The following PRKCB variants were observed in gnomAD, a reference collection of about 807,000 sequenced individuals.
PRKCB encodes protein kinase C beta type.
PRKCB carries 13 observed loss-of-function variants against 81.5 expected under a neutral mutation model. The ratio of observed to expected loss-of-function variants is 0.16; its 90% CI spans 0.10 to 0.25. PRKCB has a LOEUF of 0.25. PRKCB is among the 10% of genes least tolerant of loss of function. The pLI is 1.00. For synonymous variants in PRKCB, 335 were observed against 321.4 expected (o/e 1.04, Z -0.45); for missense variants, 509 against 875.7 (o/e 0.58, Z 5.29).
At chr16:23,935,075 G>A (rs1964039409) in intron 2 of PRKCB, among the ~76,000 whole-genome samples, 3 of 152,090 alleles carry the variant, frequency 2.0e-5, no homozygotes, top group South Asian at 4.1e-4. Context: ...AGAGCCACCC[G>A]GATGATGGGC....
Position 24,219,879 on chromosome 16 carries a change from T to C in PRKCB, c.*5063T>C, listed in dbSNP as rs1213060304. Reference sequence around the variant, plus strand: ...TTCTGACTCTGCTCATGAGATGGTATCAGCCACCCAATGACTGGCGTATCT... The same window carrying C: ...TTCTGACTCTGCTCATGAGATGGTACCAGCCACCCAATGACTGGCGTATCT... On this transcript the variant is annotated 3_prime_UTR_variant, in exon 17 of 17. Coordinates refer to ENST00000643927, the MANE Select transcript of PRKCB (RefSeq NM_002738.7). 2.0e-6 allele frequency: 3 copies of C among 1,526,324 alleles called. No individual in the cohort carries two copies. Among genetic ancestry groups the C allele is most frequent in the East Asian group, 4.8e-5 (2 of 41,638 alleles). The allele number at this position is 1,526,324 out of a possible 1,614,324, so 94.5% of individuals were successfully genotyped here. A position where few individuals can be genotyped will look rare whatever the true frequency, so the allele number is the denominator to read the frequency against.
chr16:23,951,304 G>A (rs1233468629), intron 2 of PRKCB, among the ~76,000 whole-genome samples: 1 of 152,120 alleles, frequency 6.6e-6, no homozygotes, highest in Non-Finnish European at 1.5e-5. Context: ...CCAATCTAAT[G>A]GATAAAATAT....
At chr16:23,882,026 CT>C (rs1567301154) in intron 2 of PRKCB, among the ~76,000 whole-genome samples, 25 of 44,146 alleles carry the variant, frequency 5.7e-4, no homozygotes, top group Non-Finnish European at 7.1e-4. Context: ...TTCTTTCTTC[CT>C]TCCTTCCTTC....
At chr16:24,197,302 G>A (rs1287025911) in intron 16 of PRKCB, among the ~76,000 whole-genome samples, 2 of 152,204 alleles carry the variant, frequency 1.3e-5, no homozygotes, top group African/African-American at 4.8e-5. Context: ...TTATGATAGA[G>A]TAGGTGGAGA....
chr16:23,837,703 G>A (rs1467506894), intron 2 of PRKCB, among the ~76,000 whole-genome samples: 1 of 152,070 alleles, frequency 6.6e-6, no homozygotes, highest in Non-Finnish European at 1.5e-5. Flanking sequence ...TTCCGCTGGG[G>A]GAGAAAGTGT....
intron 2 of PRKCB, among the ~76,000 whole-genome samples, chr16:23,903,021 C>CA (rs1393217549): frequency 7.3e-6 from 1 of 137,546 alleles, no homozygotes; most frequent in African/African-American, 2.9e-5. Flanking sequence ...TCTGTAGAGA[C>CA]AAAGTCTTGC....
intron 3 of PRKCB, among the ~76,000 whole-genome samples, chr16:23,992,390 G>A (rs75336236): frequency 0.027 from 4,141 of 152,260 alleles, 170 homozygotes; most frequent in African/African-American, 0.093. Context: ...ATTTCTAGTA[G>A]TAAAGAGAGC....
intron 1 of PRKCB, among the ~76,000 whole-genome samples, chr16:23,836,776 G>A (rs953427690): frequency 3.3e-5 from 5 of 150,950 alleles, no homozygotes; most frequent in African/African-American, 1.2e-4. Context: ...TCCGGGGGGG[G>A]CGGCGCCCTG....
intron 5 of PRKCB, among the ~76,000 whole-genome samples, chr16:24,051,882 C>T (rs543246820): frequency 1.0e-3 from 153 of 151,828 alleles, no homozygotes; most frequent in African/African-American, 3.5e-3. Context: ...AGGCAGGTGG[C>T]GAGTGAATCA....
At chr16:24,062,856 C>T (rs1965990133) in intron 5 of PRKCB, among the ~76,000 whole-genome samples, 1 of 152,028 alleles carries the variant, frequency 6.6e-6, no homozygotes, top group Admixed American at 6.6e-5. Flanking sequence ...TCACCTCCCC[C>T]ATCCACTCTG....
chr16:23,859,504 C>T (rs1248146379), intron 2 of PRKCB, among the ~76,000 whole-genome samples: 3 of 152,302 alleles, frequency 2.0e-5, no homozygotes, highest in East Asian at 1.9e-4. Context: ...TCATAAATCA[C>T]ACATTGATAA....
At chr16:24,022,084 G>T (rs184007589) in intron 3 of PRKCB, among the ~76,000 whole-genome samples, 77 of 152,282 alleles carry the variant, frequency 5.1e-4, no homozygotes, top group African/African-American at 1.9e-3. Flanking sequence ...CTGATTTCCA[G>T]GGGTGGGCGA....
At chr16:23,865,576 T>C (rs1407838200) in intron 2 of PRKCB, among the ~76,000 whole-genome samples, 1 of 133,946 alleles carries the variant, frequency 7.5e-6, no homozygotes, top group East Asian at 2.1e-4. Flanking sequence ...TGTGTATATG[T>C]ATATTTAAAT....
intron 5 of PRKCB, among the ~76,000 whole-genome samples, chr16:24,054,311 T>C (rs1965879128): frequency 6.6e-6 from 1 of 152,218 alleles, no homozygotes; most frequent in Non-Finnish European, 1.5e-5. Flanking sequence ...CATTTCTTGC[T>C]TTCCCAATGG....
intron 5 of PRKCB, among the ~76,000 whole-genome samples, chr16:24,081,408 G>A (rs917483743): frequency 1.3e-5 from 2 of 152,072 alleles, no homozygotes; most frequent in Non-Finnish European, 2.9e-5. Flanking sequence ...AGAAATAGAA[G>A]GGAACTTTCT....
In PRKCB at chr16:24,188,086, T is replaced by C. The variant is rs148809124; in HGVS notation, c.1722+2519T>C. ...TAAATGGGTCATGGAGGAAAGAGCA[T>C]TTTCCAGGTCAGCTGCCTTCAGCTC... On this transcript the variant is annotated intron_variant, in intron 15 of 16. Coordinates refer to ENST00000643927, the MANE Select transcript of PRKCB (RefSeq NM_002738.7). Among the ~76,000 whole-genome samples the C allele has an allele frequency of 1.6e-3, 240 of 152,334 alleles. 1 individual carries two copies. The highest frequency in any genetic ancestry group is 6.8e-3 in the Middle Eastern group (2 of 294).
At chr16:24,138,837 G>A (rs975549592) in intron 9 of PRKCB, among the ~76,000 whole-genome samples, 7 of 138,240 alleles carry the variant, frequency 5.1e-5, no homozygotes, top group Non-Finnish European at 1.1e-4. Flanking sequence ...AGATCATACA[G>A]TATTTGTCTT....
Position 24,216,180 on chromosome 16 carries a change from G to A in PRKCB, c.*1364G>A. ...GGGGGCTGTGGCCCATTCAGGGGCT[G>A]CTGGTGGGCTGTAGTGGGGTGGGAT... On this transcript the variant is annotated 3_prime_UTR_variant, in exon 17 of 17. Transcript: ENST00000643927. 1.0e-6 allele frequency: 1 copy of A among 985,488 alleles called. No individual in the cohort carries two copies. Among genetic ancestry groups the A allele is most frequent in the Middle Eastern group, 5.2e-4 (1 of 1,916 alleles). 61.0% of individuals were successfully genotyped at this position (985,488 alleles called of 1,614,324 possible). A position where few individuals can be genotyped will look rare whatever the true frequency, so the allele number is the denominator to read the frequency against.
At chr16:23,857,545 G>A (rs1962590220) in intron 2 of PRKCB, among the ~76,000 whole-genome samples, 1 of 152,136 alleles carries the variant, frequency 6.6e-6, no homozygotes, top group South Asian at 2.1e-4. Context: ...ATAGGTGGGG[G>A]CCCACATGAC....
Sources: allele counts gnomAD v4.1 joint callset (sites outside exome capture counted in the v4.1 genomes callset), GRCh38; gene constraint gnomAD v4.1.1; transcripts MANE v1.5; gene names NCBI Gene and HGNC (gene_info 2026-07-23, HGNC 2026-07-21).